Variants in LRRC4C observed in about 807,000 individuals in gnomAD.
LRRC4C encodes the protein leucine-rich repeat-containing protein 4C.
Under a neutral mutation model 33.6 loss-of-function variants are expected in LRRC4C, and 5 were observed. That is an observed-to-expected ratio of 0.15 (90% CI 0.08 to 0.31). The LOEUF is 0.31. Ranked by LOEUF, LRRC4C falls within the 10% of genes least tolerant of loss-of-function variation. LRRC4C has a pLI of 1.00. For missense variants in LRRC4C, 560 were observed against 796.7 expected, an observed-to-expected ratio of 0.70 and a Z score of 3.58; for synonymous variants, 329 against 302.0, an observed-to-expected ratio of 1.09 and a Z score of -0.93.
intron 5 of LRRC4C, among the ~76,000 whole-genome samples, chr11:40,172,093 C>A (rs1264114206): frequency 1.3e-5 from 2 of 152,124 alleles, no homozygotes; most frequent in African/African-American, 4.8e-5. Flanking sequence ...AATGTTTCTT[C>A]ACTTTTTTGC....
intron 3 of LRRC4C, among the ~76,000 whole-genome samples, chr11:40,548,562 T>C (rs1957015016): frequency 6.6e-6 from 1 of 151,966 alleles, no homozygotes; most frequent in African/African-American, 2.4e-5. Context: ...AGACAAGAAA[T>C]TTCTCTTATT....
chr11:41,292,785 C>A (rs1950028121), intron 1 of LRRC4C, among the ~76,000 whole-genome samples: 1 of 152,064 alleles, frequency 6.6e-6, no homozygotes, highest in Non-Finnish European at 1.5e-5. Flanking sequence ...TCTTCACAAA[C>A]AGATGTTCTT....
At chr11:40,306,520 C>T (rs1945040019) in intron 4 of LRRC4C, among the ~76,000 whole-genome samples, 1 of 152,140 alleles carries the variant, frequency 6.6e-6, no homozygotes, top group South Asian at 2.1e-4. Flanking sequence ...TGGCATGTGT[C>T]CCTTCCTTTA....
intron 3 of LRRC4C, among the ~76,000 whole-genome samples, chr11:40,349,316 A>G (rs957674345): frequency 6.6e-6 from 1 of 152,136 alleles, no homozygotes; most frequent in Non-Finnish European, 1.5e-5. Context: ...AGAATATGCA[A>G]AAGTTTGTCT....
At chr11:40,470,015 A>G (rs1335039623) in intron 3 of LRRC4C, among the ~76,000 whole-genome samples, 1 of 152,074 alleles carries the variant, frequency 6.6e-6, no homozygotes, top group Non-Finnish European at 1.5e-5. Flanking sequence ...ATCTCCCAGC[A>G]CAGTGCTCGA....
In LRRC4C at chr11:40,985,366, TA is replaced by T. The variant is rs200252834; in HGVS notation, c.-495-51644del. Among the ~76,000 whole-genome samples, 1,139 of 141,950 alleles carry T rather than the reference TA, an allele frequency of 8.0e-3. 14 individuals are homozygous for T. The highest frequency in any genetic ancestry group is 0.027 in the African/African-American group (1,071 of 40,242). The allele number at this position is 141,950 out of a possible 152,430, so 93.1% of individuals were successfully genotyped here. ...TTTTGTTGTTTTGTGTTTCAGTTAA[TA>T]GGGGGGGAAAAGTACCTTATCATAA... On this transcript the variant is annotated intron_variant, in intron 1 of 6. Coordinates refer to ENST00000528697, the MANE Select transcript of LRRC4C (RefSeq NM_001258419.2).
intron 1 of LRRC4C, among the ~76,000 whole-genome samples, chr11:41,035,320 C>G (rs565789205): frequency 7.2e-4 from 110 of 152,104 alleles, no homozygotes; most frequent in Non-Finnish European, 1.2e-3. Flanking sequence ...CAACCCATCA[C>G]CTAGGTATTA....
At chr11:40,508,857 A>G (rs1283880140) in intron 3 of LRRC4C, among the ~76,000 whole-genome samples, 1 of 152,182 alleles carries the variant, frequency 6.6e-6, no homozygotes, top group Admixed American at 6.6e-5. Context: ...CATCACCATA[A>G]GTAATAACCA....
intron 3 of LRRC4C, among the ~76,000 whole-genome samples, chr11:40,444,171 A>G (rs1951521888): frequency 6.6e-6 from 1 of 152,074 alleles, no homozygotes. Flanking sequence ...AAGTAGTACT[A>G]TTATCAGCCC....
intron 2 of LRRC4C, among the ~76,000 whole-genome samples, chr11:40,730,507 T>A (rs1025557757): frequency 6.6e-6 from 1 of 152,044 alleles, no homozygotes; most frequent in African/African-American, 2.4e-5. Context: ...CCAGCTTTCA[T>A]CATATCATAA....
At chr11:40,937,786 C>T (rs1957971467) in intron 1 of LRRC4C, among the ~76,000 whole-genome samples, 1 of 151,924 alleles carries the variant, frequency 6.6e-6, no homozygotes, top group South Asian at 2.1e-4. Flanking sequence ...GGGACAGAGG[C>T]ACATGCCACC....
At chr11:41,140,509 C>A (rs2135903621) in intron 1 of LRRC4C, among the ~76,000 whole-genome samples, 1 of 142,304 alleles carries the variant, frequency 7.0e-6, no homozygotes, top group East Asian at 2.0e-4. Flanking sequence ...TTTACCTACA[C>A]TCAGCCTGAG....
In LRRC4C at chr11:41,225,701, A is replaced by G. The variant is rs139550134; in HGVS notation, c.-496+233730T>C. The stretch of plus-strand genomic sequence containing the variant: ...ATTTTTTAAAGTAAGGTAAAAAAGA[A>G]TATTTGATCTTTTTTCAGTTAACTT... On this transcript the variant is annotated intron_variant, in intron 1 of 6. Transcript: ENST00000528697. 3.0e-3 allele frequency among the ~76,000 whole-genome samples: 450 copies of G among 152,248 alleles called. 2 individuals carry two copies. The highest frequency in any genetic ancestry group is 0.01 in the African/African-American group (420 of 41,554).
intron 4 of LRRC4C, among the ~76,000 whole-genome samples, chr11:40,264,051 C>T (rs1259309467): frequency 6.6e-6 from 1 of 152,134 alleles, no homozygotes; most frequent in Admixed American, 6.5e-5. Context: ...TACTTTAGAT[C>T]TGTATATTGT....
At chr11:41,013,368 G>A (rs1007900568) in intron 1 of LRRC4C, among the ~76,000 whole-genome samples, 1 of 152,120 alleles carries the variant, frequency 6.6e-6, no homozygotes, top group African/African-American at 2.4e-5. Flanking sequence ...CCTTTGAGCT[G>A]TAAATTTCAC....
intron 3 of LRRC4C, among the ~76,000 whole-genome samples, chr11:40,381,836 C>T (rs11035814): frequency 6.6e-6 from 1 of 151,238 alleles, no homozygotes; most frequent in South Asian, 2.1e-4. Context: ...AATATACATT[C>T]TTATGAATTA....
intron 3 of LRRC4C, among the ~76,000 whole-genome samples, chr11:40,585,340 G>C (rs1958673120): frequency 6.6e-6 from 1 of 152,030 alleles, no homozygotes; most frequent in African/African-American, 2.4e-5. Context: ...GCTTGAGAGG[G>C]AACACAAGGA....
chr11:41,106,856 A>G (rs1285033203), intron 1 of LRRC4C, among the ~76,000 whole-genome samples: 1 of 151,838 alleles, frequency 6.6e-6, no homozygotes, highest in Non-Finnish European at 1.5e-5. Context: ...CTTCTACAAA[A>G]AAATTAAAGG....
chr11:41,395,093 G>A (rs1953753017), intron 1 of LRRC4C, among the ~76,000 whole-genome samples: 1 of 151,790 alleles, frequency 6.6e-6, no homozygotes, highest in African/African-American at 2.4e-5. Flanking sequence ...CACAATCCTG[G>A]TTTAAATAGC....
Sources: allele counts gnomAD v4.1 joint callset (sites outside exome capture counted in the v4.1 genomes callset), GRCh38; gene constraint gnomAD v4.1.1; transcripts MANE v1.5; gene names NCBI Gene and HGNC (gene_info 2026-07-23, HGNC 2026-07-21).